The following ZNF532 variants were observed in gnomAD, a reference collection of about 807,000 sequenced individuals.
ZNF532 encodes the protein zinc finger protein 532.
ZNF532 carries 22 observed loss-of-function variants against 89.3 expected under a neutral mutation model. That is an observed-to-expected ratio of 0.25 (90% confidence interval 0.18 to 0.35). The LOEUF is 0.35. Ranked by LOEUF, ZNF532 falls within the 10% of genes least tolerant of loss-of-function variation. The pLI is 1.00. For synonymous variants in ZNF532, 606 were observed against 649.6 expected (o/e 0.93, Z 1.02); for missense variants, 1,132 against 1,643.4 (o/e 0.69, Z 5.38).
At chr18:58,936,176 C>T (rs1267686658) in intron 4 of ZNF532, among the ~76,000 whole-genome samples, 1 of 152,212 alleles carries the variant, frequency 6.6e-6, no homozygotes, top group Non-Finnish European at 1.5e-5. Context: ...GTGCCTCTGT[C>T]AGTAAAATTG....
chr18:58,870,944 T>C (rs1158002747), intron 2 of ZNF532, among the ~76,000 whole-genome samples: 1 of 151,828 alleles, frequency 6.6e-6, no homozygotes. Flanking sequence ...GCTCTGTGAG[T>C]CTGGAATTTA....
At position 58,920,429 on chromosome 18, in the gene ZNF532, C is replaced by T. The variant is rs553792737; in HGVS notation, c.2142C>T (p.His714=). ...AGAGCCCTGTGGGAGCTGGCACACA[C>T]ACTGTCACAAAAATTCAGTCTGGCA... The part of the protein sequence containing the change: ...TLQSPVGAGT[H]TVTKIQSGIT... Residue 714 remains histidine (H), a synonymous_variant, in exon 3 of 10, where the codon CAC becomes CAT. Transcript: ENST00000591808. 1.2e-6 allele frequency: 2 copies of T among 1,613,838 alleles called. No individual in the cohort carries two copies. The highest frequency in any genetic ancestry group is 1.7e-6 in the Non-Finnish European group (2 of 1,179,870).
intron 2 of ZNF532, among the ~76,000 whole-genome samples, chr18:58,908,139 C>G (rs1050982473): frequency 2.6e-5 from 4 of 152,162 alleles, no homozygotes; most frequent in African/African-American, 9.7e-5. Flanking sequence ...ATCAGTAGCC[C>G]CTTTCCATAT....
At chr18:58,924,314 G>A (rs1437129101) in intron 3 of ZNF532, among the ~76,000 whole-genome samples, 1 of 152,232 alleles carries the variant, frequency 6.6e-6, no homozygotes, top group Non-Finnish European at 1.5e-5. Context: ...GGAACCCAGT[G>A]CAGTTTAAGC....
At chr18:58,872,649 GC>G (rs924673725) in intron 2 of ZNF532, among the ~76,000 whole-genome samples, 19 of 151,654 alleles carry the variant, frequency 1.3e-4, no homozygotes, top group Non-Finnish European at 1.3e-4. Context: ...TATAGTCCTA[GC>G]CCAAGACCGC....
At chr18:58,944,174 G>A (rs374532389) in intron 5 of ZNF532, among the ~76,000 whole-genome samples, 1 of 152,206 alleles carries the variant, frequency 6.6e-6, no homozygotes, top group African/African-American at 2.4e-5. Context: ...GGATTCAGTT[G>A]ATGGTAATGT....
At chr18:58,960,306 T>C (rs2065226387) in intron 7 of ZNF532, among the ~76,000 whole-genome samples, 1 of 152,180 alleles carries the variant, frequency 6.6e-6, no homozygotes, top group African/African-American at 2.4e-5. Flanking sequence ...CATCTTGGCC[T>C]TCCAAAGTGT....
chr18:58,910,008 A>G (rs2060183841), intron 2 of ZNF532, among the ~76,000 whole-genome samples: 1 of 152,112 alleles, frequency 6.6e-6, no homozygotes, highest in Admixed American at 6.6e-5. Context: ...TGGGAGGCCA[A>G]GGTGGAAGGA....
intron 2 of ZNF532, among the ~76,000 whole-genome samples, chr18:58,869,378 C>G (rs1421863702): frequency 6.6e-6 from 1 of 152,128 alleles, no homozygotes; most frequent in Non-Finnish European, 1.5e-5. Flanking sequence ...CTGAACTAAT[C>G]AGAATTAGCC....
chr18:58,952,625 C>CA (rs1406510498), intron 6 of ZNF532, among the ~76,000 whole-genome samples: 1 of 152,156 alleles, frequency 6.6e-6, no homozygotes, highest in Non-Finnish European at 1.5e-5. Context: ...AGACTGGTCT[C>CA]AAACTCCAGG....
intron 6 of ZNF532, among the ~76,000 whole-genome samples, chr18:58,951,591 G>A (rs956986206): frequency 1.3e-5 from 2 of 148,532 alleles, no homozygotes; most frequent in African/African-American, 2.5e-5. Context: ...TCTTGCTCCA[G>A]ATTTTCTCTT....
intron 4 of ZNF532, among the ~76,000 whole-genome samples, chr18:58,937,088 G>A (rs2062542002): frequency 6.6e-6 from 1 of 152,022 alleles, no homozygotes; most frequent in Non-Finnish European, 1.5e-5. Context: ...GAATTTTCCT[G>A]CCTCTTGATA....
intron 2 of ZNF532, among the ~76,000 whole-genome samples, chr18:58,900,883 A>G (rs1180262713): frequency 6.6e-6 from 1 of 151,592 alleles, no homozygotes; most frequent in African/African-American, 2.4e-5. Context: ...CCAGTTCCCA[A>G]CCCCCAAGCT....
chr18:58,934,122 A>C (rs560162232), intron 3 of ZNF532: 1 of 234,590 alleles, frequency 4.3e-6, no homozygotes, highest in South Asian at 1.4e-4. Context: ...TGCTCACATA[A>C]ATTTGTAAGA....
chr18:58,866,425 G>A (rs2056467603), intron 2 of ZNF532, among the ~76,000 whole-genome samples: 1 of 152,186 alleles, frequency 6.6e-6, no homozygotes, highest in Non-Finnish European at 1.5e-5. Flanking sequence ...TTTTGCCTTG[G>A]GTTCCTTGTG....
At chr18:58,978,877 G>A (rs1201759438) in intron 7 of ZNF532, among the ~76,000 whole-genome samples, 178 bp from the exon 8 acceptor site, 1 of 152,174 alleles carries the variant, frequency 6.6e-6, no homozygotes, top group African/African-American at 2.4e-5. Context: ...AGTTCTGACT[G>A]TGACCCGTCA....
intron 5 of ZNF532, among the ~76,000 whole-genome samples, chr18:58,943,413 GC>G (rs964986485): frequency 2.7e-5 from 4 of 148,858 alleles, no homozygotes; most frequent in African/African-American, 9.9e-5. Flanking sequence ...ACCCACCTCG[GC>G]TTCCCAAAGT....
chr18:58,879,008 G>C (rs2057666606), intron 2 of ZNF532, among the ~76,000 whole-genome samples: 2 of 152,196 alleles, frequency 1.3e-5, no homozygotes, highest in Admixed American at 1.3e-4. Flanking sequence ...GTAGTCCTCT[G>C]TCCTACTTGC....
intron 2 of ZNF532, among the ~76,000 whole-genome samples, chr18:58,900,746 C>T (rs1370945257): frequency 2.0e-5 from 3 of 152,172 alleles, no homozygotes; most frequent in African/African-American, 7.2e-5. Context: ...ACCATGCCAC[C>T]TGCCTCTTTA....
Sources: allele counts gnomAD v4.1 joint callset (sites outside exome capture counted in the v4.1 genomes callset), GRCh38; gene constraint gnomAD v4.1.1; transcripts MANE v1.5; gene names NCBI Gene and HGNC (gene_info 2026-07-23, HGNC 2026-07-21).